Variants in RHCE observed in about 807,000 individuals in gnomAD.
RHCE encodes the protein Rh blood group CcEe antigens, also known as blood group Rh(CE) polypeptide.
A neutral mutation model predicts 43.8 loss-of-function variants in RHCE; 22 were observed. The ratio of observed to expected loss-of-function variants is 0.50; its 90% CI spans 0.36 to 0.72. The LOEUF is 0.72. RHCE is among the 30% of genes least tolerant of loss of function. RHCE has a pLI of 0.00. For synonymous variants in RHCE, 156 were observed against 210.7 expected, an observed-to-expected ratio of 0.74 and a Z score of 2.25; for missense variants, 385 against 525.4, an observed-to-expected ratio of 0.73 and a Z score of 2.61.
rs758191366 is a variant in RHCE, at chr1:25,420,715, G to A, written c.72C>T (p.Leu24=). The A allele has an allele frequency of 3.7e-6, 6 of 1,613,206 alleles. No individual in the cohort carries two copies. Among genetic ancestry groups the A allele is most frequent in the Middle Eastern group, 1.7e-4 (1 of 6,060 alleles). ...GGGTAAAAAAATAGAAGAGGAGAATGAGAGCTGCTTCCAGTGTTAGGGCGC... is the reference window on the plus strand; with the variant it reads ...GGGTAAAAAAATAGAAGAGGAGAATAAGAGCTGCTTCCAGTGTTAGGGCGC... The part of the protein sequence containing the change: ...PLCALTLEAA[L]ILLFYFFTHY... The change falls in exon 1 of 10, where the codon CTC becomes CTT. Residue 24 remains leucine, a synonymous_variant. Coordinates refer to ENST00000294413, the MANE Select transcript of RHCE (RefSeq NM_020485.8).
intron 7 of RHCE, 194 bp downstream of exon 7, chr1:25,385,517 G>T: frequency 1.3e-6 from 1 of 799,592 alleles, no homozygotes; most frequent in Non-Finnish European, 2.1e-6. Flanking sequence ...AGAAGAGGTG[G>T]CCTGGAGAGG....
At chr1:25,418,625 C>A (rs2042667754) in intron 1 of RHCE, among the ~76,000 whole-genome samples, 5 of 152,222 alleles carry the variant, frequency 3.3e-5, no homozygotes, top group Admixed American at 3.3e-4. Flanking sequence ...TTTTAGGCTA[C>A]AGGGCAATGC....
In RHCE at chr1:25,400,832, C is replaced by T. The variant is rs1381308343; in HGVS notation, c.486+1764G>A. 3.9e-5 allele frequency among the ~76,000 whole-genome samples: 6 copies of T among 152,212 alleles called. No individual in the cohort carries two copies. In the East Asian group the frequency reaches 9.6e-4, roughly 24 times the overall value. On this transcript the variant is annotated intron_variant, in intron 3 of 9. Coordinates refer to ENST00000294413, the MANE Select transcript of RHCE (RefSeq NM_020485.8). ...TGGCACCAGCAGCTGCTGAGTTGTG[C>T]CAGATGAGAACCTTGAAGTCATCTT...
chr1:25,402,843 C>T lies in RHCE; in HGVS notation c.336-97G>A. On this transcript the variant is annotated intron_variant, in intron 2 of 9. Transcript: ENST00000294413. ...TTCATTCAACAAACACTGTTGGGCA[C>T]CTTACTTTCTGTGGAAATAGAAGAC... The T allele has an allele frequency of 4.5e-6, 7 of 1,542,048 alleles. No homozygotes were observed. The South Asian group carries it at 7.9e-5, about 17-fold the overall frequency.
chr1:25,428,931 G>T (rs1231427327), intron 2 of RHCE: 1 of 152,364 alleles, frequency 6.6e-6, no homozygotes, highest in African/African-American at 2.4e-5. Context: ...TTTAAGGATA[G>T]TGAGAAAAAC....
In RHCE at chr1:25,392,124, G is replaced by A. The variant is rs777377612; in HGVS notation, c.504C>T (p.Asn168=). The change falls in exon 4 of 10, where the codon AAC becomes AAT. Residue 168 remains asparagine (N), a synonymous_variant. Transcript: ENST00000294413. ...SNIFNTDYHM[N]LRHFYVFAAY... ...CTGCGAACACGTAGAAGTGCCTCAGGTTCATGTGGTAGTCTGTCTGCAATA... is the reference window on the plus strand; with the variant it reads ...CTGCGAACACGTAGAAGTGCCTCAGATTCATGTGGTAGTCTGTCTGCAATA... 9 of 1,614,080 alleles carry A rather than the reference G, an allele frequency of 5.6e-6. 1 individual carries two copies. Among genetic ancestry groups the A allele is most frequent in the East Asian group, 2.2e-5 (1 of 44,896 alleles).
intron 1 of RHCE, among the ~76,000 whole-genome samples, chr1:25,414,558 G>T (rs1344786514): frequency 6.6e-6 from 1 of 152,102 alleles, no homozygotes; most frequent in African/African-American, 2.4e-5. Context: ...TGTGGAAGGT[G>T]CCAGGGTTTG....
intron 3 of RHCE, among the ~76,000 whole-genome samples, chr1:25,401,921 G>A (rs1437247449): frequency 1.3e-5 from 2 of 151,678 alleles, no homozygotes; most frequent in East Asian, 3.9e-4. Context: ...TTGTCCCCCA[G>A]GCTGCAGTGC....
chr1:25,383,009 C>A (rs2124382697), intron 7 of RHCE, among the ~76,000 whole-genome samples: 1 of 152,274 alleles, frequency 6.6e-6, no homozygotes, highest in South Asian at 2.1e-4. Flanking sequence ...TTGCTAAAAT[C>A]TCTCCCAGAT....
chr1:25,379,837 GCTAA>G (rs1327459029), intron 7 of RHCE, among the ~76,000 whole-genome samples: 3 of 151,948 alleles, frequency 2.0e-5, no homozygotes, highest in Non-Finnish European at 2.9e-5. Context: ...ACAATACCTG[GCTAA>G]CTTTTTATTT....
upstream of RHCE, among the ~76,000 whole-genome samples, chr1:25,423,715 A>G (rs1182863451): frequency 6.6e-6 from 1 of 152,236 alleles, no homozygotes; most frequent in Admixed American, 6.5e-5. Context: ...AAGGCAGGTC[A>G]CCTGCTACAG....
chr1:25,384,430 G>GT (rs1646088412), intron 7 of RHCE, among the ~76,000 whole-genome samples: 1 of 151,782 alleles, frequency 6.6e-6, no homozygotes, highest in Admixed American at 6.6e-5. Flanking sequence ...GTTCTCTACA[G>GT]GCATCTGAGT....
intron 2 of RHCE, among the ~76,000 whole-genome samples, chr1:25,427,206 G>T (rs560550262): frequency 6.6e-6 from 1 of 152,288 alleles, no homozygotes; most frequent in South Asian, 2.1e-4. Flanking sequence ...CGGGCTGACA[G>T]AGGTGGGAAT....
chr1:25,386,751 G>A (rs767788787), intron 6 of RHCE, among the ~76,000 whole-genome samples: 1 of 152,106 alleles, frequency 6.6e-6, no homozygotes, highest in Admixed American at 6.6e-5. Context: ...GAACCCGGGA[G>A]GCAGAGCTTG....
chr1:25,379,479 ATATATATATATATATATTTTTTTTTTT>A (rs1408441649), intron 7 of RHCE, among the ~76,000 whole-genome samples: 710 of 26,414 alleles, frequency 0.027, 29 homozygotes, highest in African/African-American at 0.1. Context: ...ATATATATAT[ATATATATATATATATATTTTTTTTTTT>A]TTTTTTTTTT....
At chr1:25,385,330 G>A (rs1361525861) in intron 7 of RHCE, among the ~76,000 whole-genome samples, 1 of 152,242 alleles carries the variant, frequency 6.6e-6, no homozygotes, top group Admixed American at 6.5e-5. Context: ...CTGAGGCTGA[G>A]AAAGGTTAAG....
At chr1:25,377,472 A>T (rs939542578) in intron 7 of RHCE, among the ~76,000 whole-genome samples, 12 of 152,210 alleles carry the variant, frequency 7.9e-5, no homozygotes, top group Admixed American at 7.9e-4. Flanking sequence ...CTGGGATTAC[A>T]GGTGTGAGCC....
chr1:25,421,764 T>C (rs896147468), upstream of RHCE, among the ~76,000 whole-genome samples: 1 of 151,850 alleles, frequency 6.6e-6, no homozygotes, highest in African/African-American at 2.4e-5. Context: ...GAGAGAGGGA[T>C]GTAGGGAGGG....
chr1:25,428,900 G>A (rs1211553923), intron 2 of RHCE: 1 of 152,326 alleles, frequency 6.6e-6, no homozygotes, highest in East Asian at 1.9e-4. Flanking sequence ...GCAGGAAGGG[G>A]GAAAGATCGG....
Sources: gnomAD v4.1 joint callset for allele counts (sites outside exome capture counted in the v4.1 genomes callset) on GRCh38, gnomAD v4.1.1 for gene constraint, MANE v1.5 for transcripts, NCBI Gene and HGNC (gene_info 2026-07-23, HGNC 2026-07-21) for gene names.